Variants in NR3C1 observed in about 807,000 individuals in gnomAD.
NR3C1 encodes nuclear receptor subfamily 3 group C member 1.
A neutral mutation model predicts 74.0 loss-of-function variants in NR3C1; 14 were observed. The ratio of observed to expected loss-of-function variants is 0.19; its 90% CI spans 0.12 to 0.30. NR3C1 has a LOEUF of 0.30. NR3C1 is among the 10% of genes least tolerant of loss of function. The probability of loss-of-function intolerance (pLI) is 1.00; values close to 1 mark genes in which losing one functional copy is unlikely to be tolerated. For missense variants in NR3C1, 695 were observed against 909.8 expected, an observed-to-expected ratio of 0.76 and a Z score of 3.04; for synonymous variants, 308 against 332.5, an observed-to-expected ratio of 0.93 and a Z score of 0.80.
At chr5:143,332,682 C>T in intron 2 of NR3C1, 1 of 1,580,354 alleles carries the variant, frequency 6.3e-7, no homozygotes, top group Non-Finnish European at 8.6e-7. Flanking sequence ...TTCCTGGCGG[C>T]AGAAACGTGA....
chr5:143,281,835 C>A lies in NR3C1; in HGVS notation c.*54G>T. The A allele has an allele frequency of 6.6e-7, 1 of 1,526,152 alleles. No homozygotes were observed. 94.5% of individuals were successfully genotyped at this position (1,526,152 alleles called of 1,614,324 possible). ...CTACAGGACAAACTGATAGTTTATA[C>A]AATAAAAGCTATTAATTCGACTTTC... On this transcript the variant is annotated 3_prime_UTR_variant, in exon 9 of 9. Transcript: ENST00000394464.
intron 7 of NR3C1, among the ~76,000 whole-genome samples, chr5:143,283,814 A>G (rs1397813752): frequency 6.6e-6 from 1 of 152,198 alleles, no homozygotes; most frequent in African/African-American, 2.4e-5. Context: ...CATTTTTCAC[A>G]GTGTGCTCCT....
At chr5:143,427,628 A>T (rs1267225130) in intron 1 of NR3C1, among the ~76,000 whole-genome samples, 1 of 152,244 alleles carries the variant, frequency 6.6e-6, no homozygotes, top group Non-Finnish European at 1.5e-5. Flanking sequence ...AGATGGCTGC[A>T]TCAGGCCCCA....
At chr5:143,376,183 T>C (rs1835159558) in intron 2 of NR3C1, among the ~76,000 whole-genome samples, 1 of 152,194 alleles carries the variant, frequency 6.6e-6, no homozygotes, top group Admixed American at 6.5e-5. Flanking sequence ...CAAAAAAGTT[T>C]GTATTTCACA....
chr5:143,431,390 C>A (rs1188977288), intron 1 of NR3C1, among the ~76,000 whole-genome samples: 2 of 152,024 alleles, frequency 1.3e-5, no homozygotes, highest in Non-Finnish European at 2.9e-5. Flanking sequence ...CACTACAATT[C>A]CAATAAGAAA....
At chr5:143,362,243 T>C (rs1200897635) in intron 2 of NR3C1, among the ~76,000 whole-genome samples, 1 of 152,184 alleles carries the variant, frequency 6.6e-6, no homozygotes, top group African/African-American at 2.4e-5. Context: ...TGTGGTGTTT[T>C]ACCCAGTCCC....
intron 2 of NR3C1, among the ~76,000 whole-genome samples, chr5:143,387,712 A>G (rs1195381371): frequency 1.3e-5 from 2 of 152,208 alleles, no homozygotes; most frequent in African/African-American, 2.4e-5. Flanking sequence ...GAACTCTCCT[A>G]TAACTCTTAG....
At chr5:143,305,739 G>T (rs575822409) in intron 4 of NR3C1, among the ~76,000 whole-genome samples, 1 of 152,104 alleles carries the variant, frequency 6.6e-6, no homozygotes, top group Non-Finnish European at 1.5e-5. Context: ...CAAGAGGGGG[G>T]ATAGAGGAAG....
At chr5:143,413,431 C>G (rs1841369643) in intron 1 of NR3C1, among the ~76,000 whole-genome samples, 1 of 151,934 alleles carries the variant, frequency 6.6e-6, no homozygotes, top group Non-Finnish European at 1.5e-5. Flanking sequence ...CTGTTAAAAA[C>G]AGAGTTTTTT....
chr5:143,389,388 A>G (rs1837843387), intron 2 of NR3C1, among the ~76,000 whole-genome samples: 1 of 152,182 alleles, frequency 6.6e-6, no homozygotes, highest in South Asian at 2.1e-4. Context: ...CCACTTACGA[A>G]CATAATAACG....
intron 2 of NR3C1, among the ~76,000 whole-genome samples, chr5:143,343,571 T>C (rs1448582716): frequency 5.3e-5 from 8 of 152,218 alleles, no homozygotes; most frequent in Admixed American, 5.2e-4. Flanking sequence ...CAATTTCATA[T>C]AACTAGCCAT....
Position 143,278,962 on chromosome 5 carries a change from A to C in NR3C1, c.*2927T>G, listed in dbSNP as rs1812712949. 3 of 178,352 alleles carry C rather than the reference A, an allele frequency of 1.7e-5. No homozygotes were observed. The South Asian group carries it at 3.7e-4, about 22-fold the overall frequency. The allele number at this position is 178,352 out of a possible 1,614,324, so 11.0% of individuals were successfully genotyped here. On this transcript the variant is annotated 3_prime_UTR_variant, in exon 9 of 9. Coordinates refer to ENST00000394464, the MANE Select transcript of NR3C1 (RefSeq NM_000176.3). ...TGGATATATATACCCCAAAAGTGTTATGTCCTAAGTGCCTCAGTTCTGCTT... is the reference window on the plus strand; with the variant it reads ...TGGATATATATACCCCAAAAGTGTTCTGTCCTAAGTGCCTCAGTTCTGCTT...
intron 2 of NR3C1, among the ~76,000 whole-genome samples, chr5:143,339,664 C>T (rs2151737849): frequency 6.6e-6 from 1 of 152,270 alleles, no homozygotes; most frequent in South Asian, 2.1e-4. Flanking sequence ...TGTCCTGAAG[C>T]TAGAAGCTCT....
Position 143,300,688 on chromosome 5 carries a change from G to A in NR3C1, c.1544C>T (p.Pro515Leu). 6.2e-7 allele frequency: 1 copy of A among 1,614,144 alleles called. No homozygotes were observed. The highest frequency in any genetic ancestry group is 1.1e-5 in the South Asian group (1 of 91,080). Residue 515 changes from proline to leucine, a missense_variant, in exon 5 of 9, where the codon CCT (proline) becomes CTT (leucine). Transcript: ENST00000394464. The surrounding 1 kb of genome is among the most constrained non-coding windows in gnomAD (Gnocchi z 5.2). ...TGVSQETSEN[P>L]GNKTIVPATL... ...TGCAGGAACTATTGTTTTGTTACCA[G>A]GATTTTCAGAGGTTTCTTGTGAGAC...
chr5:143,386,987 T>A (rs1287479946), intron 2 of NR3C1, among the ~76,000 whole-genome samples: 2 of 152,208 alleles, frequency 1.3e-5, no homozygotes, highest in Non-Finnish European at 2.9e-5. Flanking sequence ...GGAATAATAC[T>A]GAAAGTGGTG....
Position 143,383,395 on chromosome 5 carries a change from A to C in NR3C1, c.1184+16261T>G, listed in dbSNP as rs577225212. Among the ~76,000 whole-genome samples the C allele has an allele frequency of 2.6e-5, 4 of 152,358 alleles. No homozygotes were observed. In the East Asian group the frequency reaches 7.7e-4, roughly 29 times the overall value. Reference sequence around the variant, plus strand: ...ACCTAAATTGAGTACCTTAAGTGCTAGGTGTTATAGTGAAAACGTTCCTTG... The same window carrying C: ...ACCTAAATTGAGTACCTTAAGTGCTCGGTGTTATAGTGAAAACGTTCCTTG... On this transcript the variant is annotated intron_variant, in intron 2 of 8. Transcript: ENST00000394464.
At chr5:143,351,484 A>T (rs1600190189) in intron 2 of NR3C1, among the ~76,000 whole-genome samples, 1 of 152,176 alleles carries the variant, frequency 6.6e-6, no homozygotes, top group Non-Finnish European at 1.5e-5. Context: ...TTTGTTGAGG[A>T]AAAAAAGATG....
intron 1 of NR3C1, among the ~76,000 whole-genome samples, chr5:143,433,462 A>ATATAATTTATTTATTTAAATTG (rs1422510030): frequency 6.8e-6 from 1 of 146,506 alleles, no homozygotes; most frequent in Non-Finnish European, 1.5e-5. Flanking sequence ...TTATATATAT[A>ATATAATTTATTTATTTAAATTG]TATATATATT....
chr5:143,412,837 A>G (rs934455452), intron 1 of NR3C1, among the ~76,000 whole-genome samples: 1 of 152,246 alleles, frequency 6.6e-6, no homozygotes, highest in Non-Finnish European at 1.5e-5. Flanking sequence ...ATTCTCAGCT[A>G]TACAGCTACC....
Sources: gnomAD v4.1 joint callset for allele counts (sites outside exome capture counted in the v4.1 genomes callset) on GRCh38, gnomAD v4.1.1 for gene constraint, Gnocchi (gnomAD v3.1) non-coding constraint, MANE v1.5 for transcripts, NCBI Gene and HGNC (gene_info 2026-07-23, HGNC 2026-07-21) for gene names.